TSNAX: variants seen among roughly 807,000 people sequenced by gnomAD.
TSNAX encodes translin-associated protein X.
TSNAX carries 12 observed loss-of-function variants against 33.0 expected under a neutral mutation model. The observed-to-expected ratio is 0.36, with a 90% CI of 0.23 to 0.59. The LOEUF (loss-of-function observed/expected upper bound fraction) is 0.59. Ranked by LOEUF, TSNAX falls within the 20% of genes least tolerant of loss-of-function variation. TSNAX has a pLI of 0.74. For synonymous variants in TSNAX, 110 were observed against 117.2 expected (o/e 0.94, Z 0.40); for missense variants, 267 against 341.3 (o/e 0.78, Z 1.72).
intron 4 of TSNAX, among the ~76,000 whole-genome samples, chr1:231,559,813 GCTCTCTTTTTTTTTTC>G (rs1304865164): frequency 6.6e-6 from 1 of 150,782 alleles, no homozygotes; most frequent in Non-Finnish European, 1.5e-5. Flanking sequence ...GTATTGCATA[GCTCTCTTTTTTTTTTC>G]TTAAACTACC....
At chr1:231,561,999 A>C (rs1661147032) in intron 5 of TSNAX, among the ~76,000 whole-genome samples, 1 of 152,198 alleles carries the variant, frequency 6.6e-6, no homozygotes, top group African/African-American at 2.4e-5. Context: ...TGAATTAAGA[A>C]AAACTTTGCA....
chr1:231,544,006 A>G (rs115516061), intron 4 of TSNAX, among the ~76,000 whole-genome samples: 1,984 of 152,300 alleles, frequency 0.013, 36 homozygotes, highest in African/African-American at 0.045. Flanking sequence ...CAAGCTTGGC[A>G]GAAAACATGA....
intron 2 of TSNAX, chr1:231,536,491 C>T (rs962192779): frequency 2.0e-5 from 3 of 152,188 alleles, no homozygotes; most frequent in African/African-American, 7.2e-5. Context: ...TTTTAATATA[C>T]ACGTGCTACC....
intron 4 of TSNAX, among the ~76,000 whole-genome samples, chr1:231,560,559 C>T (rs1661034897): frequency 6.6e-6 from 1 of 151,330 alleles, no homozygotes. Context: ...GGATTACGGG[C>T]TCCTGCCACC....
intron 3 of TSNAX, among the ~76,000 whole-genome samples, chr1:231,540,440 A>C (rs570735290): frequency 6.6e-6 from 1 of 152,108 alleles, no homozygotes; most frequent in Admixed American, 6.5e-5. Context: ...TTTGTGTCCA[A>C]ATATTTTGGG....
intron 4 of TSNAX, among the ~76,000 whole-genome samples, chr1:231,559,216 T>A (rs186208291): frequency 2.0e-5 from 3 of 152,228 alleles, no homozygotes; most frequent in Non-Finnish European, 4.4e-5. Context: ...CTTTAAAAAG[T>A]TTCTTAAACT....
intron 4 of TSNAX, among the ~76,000 whole-genome samples, chr1:231,545,236 C>A (rs780640144): frequency 6.6e-6 from 1 of 152,150 alleles, no homozygotes; most frequent in Non-Finnish European, 1.5e-5. Context: ...TTGTTAAATG[C>A]TTGTTTTGGT....
At chr1:231,528,973 G>A in intron 1 of TSNAX, 147 bp downstream of exon 1, 2 of 1,111,216 alleles carry the variant, frequency 1.8e-6, no homozygotes, top group East Asian at 5.1e-5. Context: ...TCCCCGGCCA[G>A]ATCGGCCCTG....
Position 231,533,065 on chromosome 1 carries a change from A to C in TSNAX, c.121+3706A>C, listed in dbSNP as rs188770996. Reference sequence around the variant, plus strand: ...AGATTTTAAAAGGGATTTCATGGGAAGTCTTTTTTTTTTTTTTTTGAGATG... The same window carrying C: ...AGATTTTAAAAGGGATTTCATGGGACGTCTTTTTTTTTTTTTTTTGAGATG... On this transcript the variant is annotated intron_variant, in intron 2 of 5. Transcript: ENST00000366639. 8.6e-3 allele frequency among the ~76,000 whole-genome samples: 1,303 copies of C among 150,776 alleles called. 29 individuals carry two copies. The highest frequency in any genetic ancestry group is 0.03 in the African/African-American group (1,215 of 40,858).
intron 4 of TSNAX, among the ~76,000 whole-genome samples, chr1:231,547,389 C>CTTTTTTTTTTTT (rs71179784): frequency 0.011 from 1,178 of 104,720 alleles, 3 homozygotes; most frequent in Non-Finnish European, 0.013. Context: ...TTTTTTTTTT[C>CTTTTTTTTTTTT]TTTTTTTTTT....
chr1:231,549,614 A>G (rs200587935), intron 4 of TSNAX, among the ~76,000 whole-genome samples: 9 of 152,234 alleles, frequency 5.9e-5, no homozygotes, highest in Non-Finnish European at 1.3e-4. Context: ...GGTCGTGCTC[A>G]TTATTTGGCA....
At chr1:231,544,114 T>C (rs200574427) in intron 4 of TSNAX, among the ~76,000 whole-genome samples, 4 of 152,178 alleles carry the variant, frequency 2.6e-5, no homozygotes, top group Non-Finnish European at 4.4e-5. Flanking sequence ...AAGTTAGGTA[T>C]GCGTGTGTAA....
chr1:231,537,430 G>A (rs1659253753), intron 3 of TSNAX, 103 bp downstream of exon 3: 1 of 702,030 alleles, frequency 1.4e-6, no homozygotes, highest in East Asian at 3.3e-5. Flanking sequence ...TACAACTTAA[G>A]AGTTAATATT....
chr1:231,562,211 ATATT>A lies in TSNAX; in HGVS notation c.495+959_495+962del, dbSNP rs527505703. On this transcript the variant is annotated intron_variant, in intron 5 of 5. Coordinates refer to ENST00000366639, the MANE Select transcript of TSNAX (RefSeq NM_005999.3). ...ATTAATTTAATTTACTAAATATTAA[ATATT>A]TAATTATTTTAAAAATTTTCTTTAT... 2.4e-3 allele frequency among the ~76,000 whole-genome samples: 363 copies of A among 148,652 alleles called. 1 individual carries two copies. Among genetic ancestry groups the A allele is most frequent in the African/African-American group, 8.5e-3 (348 of 41,026 alleles).
At chr1:231,533,380 C>T (rs1658918640) in intron 2 of TSNAX, among the ~76,000 whole-genome samples, 2 of 152,172 alleles carry the variant, frequency 1.3e-5, no homozygotes, top group African/African-American at 2.4e-5. Flanking sequence ...GGATTATAGG[C>T]GTGAGCCATC....
chr1:231,560,524 C>T (rs1408455842), intron 4 of TSNAX, among the ~76,000 whole-genome samples: 1 of 146,898 alleles, frequency 6.8e-6, no homozygotes, highest in African/African-American at 2.5e-5. Context: ...AAGCGATTCT[C>T]CTGCCTCAGC....
At chr1:231,560,404 T>TGTGGGGGG in intron 4 of TSNAX, among the ~76,000 whole-genome samples, 1 of 77,014 alleles carries the variant, frequency 1.3e-5, no homozygotes, top group Non-Finnish European at 2.6e-5. Flanking sequence ...GCTTTTCTTT[T>TGTGGGGGG]CTCCCCCCCC....
At chr1:231,548,064 T>TCTC (rs1660059352) in intron 4 of TSNAX, among the ~76,000 whole-genome samples, 1 of 149,302 alleles carries the variant, frequency 6.7e-6, no homozygotes, top group Non-Finnish European at 1.5e-5. Flanking sequence ...ATGGTCTTGA[T>TCTC]CTCCGTGATC....
intron 1 of TSNAX, 52 bp from the exon 2 acceptor site, chr1:231,529,203 T>C: frequency 6.3e-7 from 1 of 1,585,220 alleles, no homozygotes; most frequent in Non-Finnish European, 8.6e-7. Flanking sequence ...TGTTGTGTTT[T>C]GCAAACTCTT....
Sources: gnomAD v4.1 joint callset for allele counts (sites outside exome capture counted in the v4.1 genomes callset) on GRCh38, gnomAD v4.1.1 for gene constraint, MANE v1.5 for transcripts, NCBI Gene and HGNC (gene_info 2026-07-23, HGNC 2026-07-21) for gene names.